Variants in DLG2 observed in about 807,000 individuals in gnomAD.
The protein encoded by DLG2 is disks large homolog 2.
Under a neutral mutation model 132.5 loss-of-function variants are expected in DLG2, and 45 were observed. The observed-to-expected ratio is 0.34, with a 90% CI of 0.27 to 0.44. DLG2 has a LOEUF of 0.44. Among genes scored for constraint, DLG2 ranks in the 20% least tolerant of loss-of-function variants. The pLI is 1.00. For missense variants in DLG2, 1,045 were observed against 1,196.9 expected, an observed-to-expected ratio of 0.87 and a Z score of 1.87; for synonymous variants, 424 against 419.6, an observed-to-expected ratio of 1.01 and a Z score of -0.13.
chr11:85,005,409 G>A (rs1226620975), intron 6 of DLG2, among the ~76,000 whole-genome samples: 1 of 152,142 alleles, frequency 6.6e-6, no homozygotes, highest in Non-Finnish European at 1.5e-5. Flanking sequence ...TCCTTGAGCA[G>A]TGGTATGTAG....
intron 4 of DLG2, among the ~76,000 whole-genome samples, chr11:85,272,667 A>ACC (rs2077611424): frequency 6.6e-6 from 1 of 151,990 alleles, no homozygotes; most frequent in Non-Finnish European, 1.5e-5. Context: ...TATCGTGAAA[A>ACC]TGGCCATACT....
chr11:85,424,383 A>G (rs1253744360), intron 3 of DLG2, among the ~76,000 whole-genome samples: 3 of 152,230 alleles, frequency 2.0e-5, no homozygotes, highest in Admixed American at 6.5e-5. Flanking sequence ...AAGGCTTCAT[A>G]TGCTGCTCTG....
chr11:84,328,029 C>T (rs1189663814), intron 7 of DLG2, among the ~76,000 whole-genome samples: 1 of 152,056 alleles, frequency 6.6e-6, no homozygotes, highest in African/African-American at 2.4e-5. Context: ...GTGTCTCTTC[C>T]CCCAACTCTT....
chr11:83,464,009 A>G (rs972564056), intron 26 of DLG2, among the ~76,000 whole-genome samples: 1 of 152,368 alleles, frequency 6.6e-6, no homozygotes, highest in South Asian at 2.1e-4. Flanking sequence ...CTGATTCAAC[A>G]TTTATTTGTT....
At chr11:84,163,622 C>G in intron 8 of DLG2, 111 bp from the exon 9 acceptor site, 1 of 822,162 alleles carries the variant, frequency 1.2e-6, no homozygotes, top group Non-Finnish European at 1.9e-6. Flanking sequence ...CTATAAATAA[C>G]CACATTTTCT....
At chr11:84,214,322 T>C (rs1440767734) in intron 8 of DLG2, among the ~76,000 whole-genome samples, 1 of 148,912 alleles carries the variant, frequency 6.7e-6, no homozygotes, top group East Asian at 1.9e-4. Flanking sequence ...TACATGTTTA[T>C]ATATGTTTTT....
intron 7 of DLG2, among the ~76,000 whole-genome samples, chr11:84,483,863 G>A (rs1430191844): frequency 3.3e-5 from 5 of 152,154 alleles, no homozygotes; most frequent in Admixed American, 6.5e-5. Context: ...TGGAGAGTTC[G>A]TTGGCCAGTG....
At chr11:85,487,132 G>GAT (rs952063940) in intron 3 of DLG2, among the ~76,000 whole-genome samples, 15 of 149,292 alleles carry the variant, frequency 1.0e-4, no homozygotes, top group African/African-American at 1.7e-4. Flanking sequence ...GTATATACAA[G>GAT]ATATATATAT....
At chr11:83,792,362 G>A (rs1038190684) in intron 17 of DLG2, among the ~76,000 whole-genome samples, 11 of 151,878 alleles carry the variant, frequency 7.2e-5, no homozygotes, top group African/African-American at 2.4e-4. Flanking sequence ...GGCCATAATT[G>A]AATTGCCCAG....
intron 6 of DLG2, among the ~76,000 whole-genome samples, chr11:84,617,181 G>C (rs1043307140): frequency 6.8e-6 from 1 of 147,574 alleles, no homozygotes; most frequent in African/African-American, 2.5e-5. Flanking sequence ...TCCCCTCCCT[G>C]TGTCCATGTG....
chr11:84,063,378 C>T (rs1037964899), intron 10 of DLG2, among the ~76,000 whole-genome samples: 2 of 152,236 alleles, frequency 1.3e-5, no homozygotes, highest in Middle Eastern at 3.4e-3. Context: ...ATCGGTAGCC[C>T]GTATTCAAAG....
chr11:84,155,636 C>G (rs1163580861), intron 9 of DLG2, among the ~76,000 whole-genome samples: 1 of 151,956 alleles, frequency 6.6e-6, no homozygotes, highest in Non-Finnish European at 1.5e-5. Flanking sequence ...CCAGCCCCCA[C>G]TGTTTTTATA....
At chr11:84,840,613 T>C (rs561697201) in intron 6 of DLG2, among the ~76,000 whole-genome samples, 53 of 152,224 alleles carry the variant, frequency 3.5e-4, no homozygotes, top group African/African-American at 1.2e-3. Context: ...AATAATAGAC[T>C]GGATTAAGAA....
At chr11:85,411,224 T>C (rs927835226) in intron 3 of DLG2, among the ~76,000 whole-genome samples, 2 of 151,646 alleles carry the variant, frequency 1.3e-5, no homozygotes, top group African/African-American at 4.8e-5. Context: ...GCATGCAGTG[T>C]ACATCTGCAA....
At chr11:84,903,872 A>T (rs2091208212) in intron 6 of DLG2, among the ~76,000 whole-genome samples, 1 of 152,192 alleles carries the variant, frequency 6.6e-6, no homozygotes, top group Non-Finnish European at 1.5e-5. Flanking sequence ...CCAACAGGTG[A>T]TAAAAATCAT....
intron 3 of DLG2, among the ~76,000 whole-genome samples, chr11:85,426,099 C>T (rs966022295): frequency 2.3e-4 from 35 of 152,186 alleles, no homozygotes; most frequent in African/African-American, 8.0e-4. Flanking sequence ...GAGGGGCGCC[C>T]GCCATTGCCG....
intron 6 of DLG2, among the ~76,000 whole-genome samples, chr11:84,649,251 C>T (rs1008583500): frequency 5.3e-5 from 8 of 152,114 alleles, no homozygotes; most frequent in Middle Eastern, 3.2e-3. Flanking sequence ...AAGGAACATA[C>T]GACTAATTCC....
In DLG2 at chr11:85,434,275, G is replaced by C. The variant is rs2091352886; in HGVS notation, c.41-148910C>G. ...ACAGTTAAAAGAACTAGAGAAGCAA[G>C]AGCAAACAAATTCGAAAGCTAGCAG... On this transcript the variant is annotated intron_variant, in intron 3 of 27. Transcript: ENST00000376104. Among the ~76,000 whole-genome samples the C allele has an allele frequency of 1.3e-5, 2 of 151,950 alleles. 1 individual carries two copies.
chr11:83,513,142 C>A (rs150087529), intron 21 of DLG2, among the ~76,000 whole-genome samples: 1 of 152,298 alleles, frequency 6.6e-6, no homozygotes, highest in East Asian at 1.9e-4. Context: ...AGTTTATAGT[C>A]CCACCAGCAG....
Sources: allele counts gnomAD v4.1 joint callset (sites outside exome capture counted in the v4.1 genomes callset), GRCh38; gene constraint gnomAD v4.1.1; transcripts MANE v1.5; gene names NCBI Gene and HGNC (gene_info 2026-07-23, HGNC 2026-07-21).